Variants in RIF1 observed in about 807,000 individuals in gnomAD.
RIF1 encodes the protein replication timing regulatory factor 1.
A neutral mutation model predicts 247.1 loss-of-function variants in RIF1; 45 were observed. The observed-to-expected ratio is 0.18, with a 90% CI of 0.14 to 0.23. The LOEUF is 0.23. Ranked by LOEUF, RIF1 falls within the 10% of genes least tolerant of loss-of-function variation. RIF1 has a pLI of 1.00. For missense variants in RIF1, 2,967 were observed against 2,862.5 expected (o/e 1.04, Z -0.83); for synonymous variants, 1,087 against 978.8 (o/e 1.11, Z -2.06).
intron 7 of RIF1, among the ~76,000 whole-genome samples, chr2:151,422,422 T>C (rs1688338302): frequency 6.6e-6 from 1 of 151,736 alleles, no homozygotes; most frequent in South Asian, 2.1e-4. Flanking sequence ...AGAATCTGAG[T>C]GTTTGTATTA....
chr2:151,435,481 C>G lies in RIF1; in HGVS notation c.1096C>G (p.Gln366Glu), dbSNP rs1690995104. The G allele has an allele frequency of 4.4e-6, 7 of 1,608,432 alleles. No homozygotes were observed. The highest frequency in any genetic ancestry group is 6.0e-6 in the Non-Finnish European group (7 of 1,175,186). ...NFEQVCVPLI[Q>E]STISIDSNAS... The stretch of plus-strand genomic sequence containing the variant: ...CCCATAGGTTTGTGTGCCTCTGATT[C>G]AAAGTACAATAAGCATTGATTCTAA... Residue 366 changes from glutamine to glutamate, a missense_variant, in exon 11 of 36, where the codon CAA (glutamine) becomes GAA (glutamate). Around this residue, in one of 7 missense-constraint regions of RIF1, gnomAD observed 369 missense variants for 322.0 expected, o/e 1.15. Coordinates refer to ENST00000444746, the MANE Select transcript of RIF1 (RefSeq NM_018151.5).
chr2:151,459,275 C>T lies in RIF1; in HGVS notation c.2955+365C>T, dbSNP rs964829801. Among the ~76,000 whole-genome samples the T allele has an allele frequency of 5.3e-5, 8 of 152,172 alleles. No individual in the cohort carries two copies. In the East Asian group the frequency reaches 1.2e-3, roughly 22 times the overall value. On this transcript the variant is annotated intron_variant, in intron 25 of 35. Transcript: ENST00000444746. ...AAATTGATTTTCTCAATTCTTCTATCAGGAAAATAAATCTTTGCTGTCACA... is the reference window on the plus strand; with the variant it reads ...AAATTGATTTTCTCAATTCTTCTATTAGGAAAATAAATCTTTGCTGTCACA...
At chr2:151,505,146 T>C (rs546113087) in intron 12 of RIF1, among the ~76,000 whole-genome samples, 1 of 152,344 alleles carries the variant, frequency 6.6e-6, no homozygotes, top group East Asian at 1.9e-4. Context: ...TTAAATTACT[T>C]GAGATCATCC....
At chr2:151,485,713 C>T (rs1336763888), downstream of RIF1, 1 of 1,550,692 alleles carries the variant, frequency 6.4e-7, no homozygotes, top group African/African-American at 1.4e-5. Context: ...GAAACATTGA[C>T]TGCAGGATCT....
At position 151,410,519 on chromosome 2, in the gene RIF1, T is replaced by G; in HGVS notation, c.96T>G (p.Thr32=). The change falls in exon 2 of 36, where the codon ACT becomes ACG. Residue 32 remains threonine, a synonymous_variant. Coordinates refer to ENST00000444746, the MANE Select transcript of RIF1 (RefSeq NM_018151.5). ...SHGGQTDAYL[T]LTSRMTGEEG... is the part of the protein sequence containing the mutation. The stretch of plus-strand genomic sequence containing the variant: ...GAGGGCAGACTGACGCTTACCTGAC[T>G]CTGACCAGGTGAGGTCCGCCACGGG... The G allele has an allele frequency of 3.7e-6, 6 of 1,612,326 alleles. No individual in the cohort carries two copies. The highest frequency in any genetic ancestry group is 5.1e-6 in the Non-Finnish European group (6 of 1,178,560).
chr2:151,458,737 C>CTGTTGT lies in RIF1; in HGVS notation c.2856-72_2856-67dup, dbSNP rs1297640807. On this transcript the variant is annotated intron_variant, in intron 24 of 35. Coordinates refer to ENST00000444746, the MANE Select transcript of RIF1 (RefSeq NM_018151.5). ...TTTTGCTGCTCTAAAAATTAAAGTG[C>CTGTTGT]TGTTGTTAACAGATCATCAGTGTTC... is the stretch of plus-strand genomic sequence containing the variant. 4.6e-6 allele frequency: 3 copies of CTGTTGT among 647,896 alleles called. No homozygotes were observed. In the African/African-American group the frequency reaches 5.7e-5, roughly 12 times the overall value. 40.1% of individuals were successfully genotyped at this position (647,896 alleles called of 1,614,324 possible). A position where few individuals can be genotyped will look rare whatever the true frequency, so the allele number is the denominator to read the frequency against.
At chr2:151,489,968 T>C (rs1291313877) in intron 9 of RIF1, 6 of 1,570,528 alleles carry the variant, frequency 3.8e-6, no homozygotes, top group Non-Finnish European at 5.3e-6. Flanking sequence ...GTTATTCACT[T>C]ACTCCAGCAG....
chr2:151,521,603 GAAT>G, the RIF1 span, among the ~76,000 whole-genome samples: 2 of 152,166 alleles, frequency 1.3e-5, no homozygotes, highest in Admixed American at 6.5e-5. Context: ...TCTCAAATGA[GAAT>G]AAAATCTGCT....
intron 23 of RIF1, among the ~76,000 whole-genome samples, chr2:151,457,533 A>C (rs1015871288): frequency 6.6e-6 from 1 of 152,214 alleles, no homozygotes; most frequent in Non-Finnish European, 1.5e-5. Flanking sequence ...TATTACAAAA[A>C]CATAATTTCT....
At chr2:151,446,803 C>G (rs1192416500) in intron 20 of RIF1, among the ~76,000 whole-genome samples, 1 of 152,014 alleles carries the variant, frequency 6.6e-6, no homozygotes, top group East Asian at 1.9e-4. Flanking sequence ...GTGTTATCTC[C>G]TTGTGCTTGT....
chr2:151,490,276 T>C, intron 9 of RIF1: 3 of 1,452,544 alleles, frequency 2.1e-6, no homozygotes, highest in South Asian at 1.4e-5. Context: ...GGATGAAAAA[T>C]TTTTAAATTT....
intron 12 of RIF1, among the ~76,000 whole-genome samples, chr2:151,504,408 T>C (rs1325878639): frequency 6.6e-6 from 1 of 152,104 alleles, no homozygotes; most frequent in Non-Finnish European, 1.5e-5. Flanking sequence ...AACCAAGAAG[T>C]TGTAATGCAA....
At position 151,455,681 on chromosome 2, in the gene RIF1, G is replaced by A. The variant is rs558713320; in HGVS notation, c.2609+522G>A. 2.6e-5 allele frequency among the ~76,000 whole-genome samples: 4 copies of A among 152,256 alleles called. No individual in the cohort carries two copies. In the East Asian group the frequency reaches 7.7e-4, roughly 29 times the overall value. ...TAAAACATATGGGAGGATGTGTGTA[G>A]GTTACATGCAAATACAATTTGTTTT... On this transcript the variant is annotated intron_variant, in intron 22 of 35. Transcript: ENST00000444746.
rs377341152 is a variant in RIF1, at chr2:151,462,349, A to G, written c.3308+27A>G. ...TAAGTACAGAAGCCATCAAACTTTTATATCTGTTTTATTCATTTTCAAATA... is the reference window on the plus strand; with the variant it reads ...TAAGTACAGAAGCCATCAAACTTTTGTATCTGTTTTATTCATTTTCAAATA... On this transcript the variant is annotated intron_variant, in intron 28 of 35. Transcript: ENST00000444746. 17 of 1,497,764 alleles carry G rather than the reference A, an allele frequency of 1.1e-5. No individual in the cohort carries two copies. In the African/African-American group the frequency reaches 2.1e-4, roughly 19 times the overall value. 92.8% of individuals were successfully genotyped at this position (1,497,764 alleles called of 1,614,324 possible).
chr2:151,424,850 T>G (rs1242235976), intron 8 of RIF1, among the ~76,000 whole-genome samples: 2 of 138,648 alleles, frequency 1.4e-5, no homozygotes, highest in Admixed American at 7.2e-5. Flanking sequence ...TTTTTTTTTT[T>G]TTTTTTCCAT....
At chr2:151,524,237 G>T in the RIF1 span, 1 of 1,280,328 alleles carries the variant, frequency 7.8e-7, no homozygotes, top group South Asian at 1.2e-5. Flanking sequence ...TTTTCAATCT[G>T]GAAATCACTT....
exon 11 of RIF1, chr2:151,499,463 A>G (rs1392280670): frequency 2.5e-6 from 2 of 791,482 alleles, no homozygotes; most frequent in Non-Finnish European, 4.2e-6. Flanking sequence ...CTTGTGGGGA[A>G]CCTGGTATAA....
chr2:151,533,862 TC>T, the RIF1 span, among the ~76,000 whole-genome samples: 1 of 152,252 alleles, frequency 6.6e-6, no homozygotes, highest in South Asian at 2.1e-4. Context: ...ATGTCTTCTT[TC>T]CTTCCATTAA....
At chr2:151,445,116 G>A (rs1558980616) in intron 18 of RIF1, among the ~76,000 whole-genome samples, 1 of 152,158 alleles carries the variant, frequency 6.6e-6, no homozygotes, top group Non-Finnish European at 1.5e-5. Context: ...TCATTGGATT[G>A]GGGCTGACCC....
Sources: allele counts gnomAD v4.1 joint callset (sites outside exome capture counted in the v4.1 genomes callset), GRCh38; gene constraint gnomAD v4.1.1; regional missense constraint gnomAD v4.1.1; transcripts MANE v1.5; gene names NCBI Gene and HGNC (gene_info 2026-07-23, HGNC 2026-07-21).